The following VPS13C variants were observed in gnomAD, a reference collection of about 807,000 sequenced individuals.
The protein encoded by VPS13C is vacuolar protein sorting 13 homolog C.
Under a neutral mutation model 456.8 loss-of-function variants are expected in VPS13C, and 358 were observed. That is an observed-to-expected ratio of 0.78 (90% CI 0.72 to 0.86). VPS13C has a LOEUF of 0.86. Among genes scored for constraint, VPS13C ranks in the 40% least tolerant of loss-of-function variants. VPS13C has a pLI of 0.00. For missense variants in VPS13C, 4,818 were observed against 4,385.4 expected (o/e 1.10, Z -2.79); for synonymous variants, 1,578 against 1,486.7 (o/e 1.06, Z -1.41).
intron 22 of VPS13C, among the ~76,000 whole-genome samples, 171 bp from the exon 23 acceptor site, chr15:61,978,920 TATA>T (rs1385453359): frequency 1.3e-5 from 2 of 152,178 alleles, no homozygotes; most frequent in Non-Finnish European, 2.9e-5. Context: ...TTGTAAACAA[TATA>T]ATATTTCAGC....
intron 49 of VPS13C, among the ~76,000 whole-genome samples, chr15:61,934,011 G>C (rs924292921): frequency 6.6e-6 from 1 of 152,074 alleles, no homozygotes; most frequent in Non-Finnish European, 1.5e-5. Context: ...ATAAAACCCT[G>C]AGTACTTTGC....
intron 42 of VPS13C, among the ~76,000 whole-genome samples, chr15:61,948,695 A>T (rs2044688579): frequency 6.6e-6 from 1 of 152,052 alleles, no homozygotes; most frequent in South Asian, 2.1e-4. Context: ...AAAAAAAAAA[A>T]GAAAAATCAG....
chr15:61,900,557 G>A (rs1264396007), intron 66 of VPS13C, among the ~76,000 whole-genome samples: 3 of 151,998 alleles, frequency 2.0e-5, no homozygotes, highest in Non-Finnish European at 4.4e-5. Flanking sequence ...TACAAGGGAT[G>A]TGAAGGACCT....
At chr15:61,916,154 T>G in intron 60 of VPS13C, 132 bp from the exon 61 acceptor site, 1 of 1,057,518 alleles carries the variant, frequency 9.5e-7, no homozygotes, top group South Asian at 1.8e-5. Context: ...GTACCATGCT[T>G]ACATATTACA....
intron 66 of VPS13C, among the ~76,000 whole-genome samples, chr15:61,903,973 A>C (rs929256885): frequency 2.0e-5 from 3 of 152,192 alleles, no homozygotes; most frequent in Non-Finnish European, 4.4e-5. Context: ...GCCATATGCA[A>C]AAATGAAACC....
chr15:62,019,909 A>G (rs566700891), intron 9 of VPS13C, among the ~76,000 whole-genome samples: 3 of 151,288 alleles, frequency 2.0e-5, no homozygotes, highest in Admixed American at 6.6e-5. Context: ...CATGTTTCCT[A>G]CCACTTAGTT....
intron 15 of VPS13C, among the ~76,000 whole-genome samples, chr15:62,004,967 T>A (rs898167890): frequency 1.3e-5 from 2 of 152,070 alleles, no homozygotes; most frequent in South Asian, 4.1e-4. Flanking sequence ...GGAATAGGTG[T>A]GGTGTGGTGC....
Position 61,941,538 on chromosome 15 carries a change from G to C in VPS13C, c.5453+225C>G, listed in dbSNP as rs548824667. 2.6e-5 allele frequency among the ~76,000 whole-genome samples: 4 copies of C among 152,106 alleles called. No individual in the cohort carries two copies. The South Asian group carries it at 8.3e-4, about 32-fold the overall frequency. ...AATTTTATAATAGCTAATTTTTATAGAATGAAAAAAATCATATTACATATG... is the reference window on the plus strand; with the variant it reads ...AATTTTATAATAGCTAATTTTTATACAATGAAAAAAATCATATTACATATG... On this transcript the variant is annotated intron_variant, in intron 46 of 84. Transcript: ENST00000644861.
chr15:62,013,264 A>G (rs980892375), intron 10 of VPS13C, 145 bp from the exon 11 acceptor site: 10 of 525,382 alleles, frequency 1.9e-5, no homozygotes, highest in Non-Finnish European at 3.2e-5. Context: ...CATAAAAATG[A>G]GGGGAAAATA....
Position 61,917,630 on chromosome 15 carries a change from T to G in VPS13C, c.7766A>C (p.Gln2589Pro), listed in dbSNP as rs2043514141. 6.2e-7 allele frequency: 1 copy of G among 1,609,056 alleles called. No individual in the cohort carries two copies. The highest frequency in any genetic ancestry group is 1.7e-5 in the Admixed American group (1 of 59,866). Residue 2589 changes from glutamine to proline, a missense_variant, in exon 60 of 85, where the codon CAA becomes CCA. This residue lies in a region of VPS13C where 4,552 missense variants were observed against 4,130.6 expected (regional missense o/e 1.10). Transcript: ENST00000644861. Reference sequence around the variant, plus strand: ...GATTCCAGCTGGCTGGATAAACAATTGACATCTGCAGAAAGAGGAAACAGT... The same window carrying G: ...GATTCCAGCTGGCTGGATAAACAATGGACATCTGCAGAAAGAGGAAACAGT... ...FHVPLDSYRCQLFIQPAGILE... is the reference protein window; with the variant it reads ...FHVPLDSYRCPLFIQPAGILE...
chr15:62,008,314 C>T (rs1409387320), intron 14 of VPS13C, among the ~76,000 whole-genome samples: 1 of 151,896 alleles, frequency 6.6e-6, no homozygotes, highest in Non-Finnish European at 1.5e-5. Context: ...GCAGGAGAAT[C>T]GCTTGAACCA....
Position 61,974,338 on chromosome 15 carries a change from T to C in VPS13C, c.2488A>G (p.Asn830Asp), listed in dbSNP as rs1449224554. The change falls in exon 25 of 85, where the codon AAC (asparagine) becomes GAC (aspartate). Residue 830 changes from asparagine (N) to aspartate (D), a missense_variant. Transcript: ENST00000644861. Reference protein sequence around the residue: ...QKMKDVLYLMNSIPLPQKSSA... With the variant: ...QKMKDVLYLMDSIPLPQKSSA... Reference sequence around the variant, plus strand: ...GATTTCTGTGGCAAAGGTATACTGTTCATCAAATATAGCACATCTTTCATC... The same window carrying C: ...GATTTCTGTGGCAAAGGTATACTGTCCATCAAATATAGCACATCTTTCATC... 1.2e-6 allele frequency: 2 copies of C among 1,612,628 alleles called. No individual in the cohort carries two copies. Among genetic ancestry groups the C allele is most frequent in the East Asian group, 4.5e-5 (2 of 44,760 alleles).
chr15:61,967,812 G>C (rs927955016), intron 28 of VPS13C, among the ~76,000 whole-genome samples: 2 of 151,786 alleles, frequency 1.3e-5, no homozygotes, highest in African/African-American at 4.8e-5. Flanking sequence ...TTTTCCTTAA[G>C]AGAGAACTGT....
chr15:61,954,382 A>T, intron 38 of VPS13C, 39 bp downstream of exon 38: 1 of 1,589,778 alleles, frequency 6.3e-7, no homozygotes, highest in Non-Finnish European at 8.5e-7. Flanking sequence ...TCCATTACTT[A>T]TTCACCTCAC....
chr15:62,044,416 T>A (rs2048341559), intron 1 of VPS13C, among the ~76,000 whole-genome samples, 161 bp from the exon 2 acceptor site: 1 of 152,168 alleles, frequency 6.6e-6, no homozygotes, highest in Non-Finnish European at 1.5e-5. Context: ...AGTTGCTACA[T>A]ATGCTCAAGA....
intron 78 of VPS13C, among the ~76,000 whole-genome samples, chr15:61,872,339 A>G (rs1027557403): frequency 6.6e-6 from 1 of 152,162 alleles, no homozygotes; most frequent in African/African-American, 2.4e-5. Context: ...GGGTAGCTGA[A>G]ATCTCTTTAA....
chr15:61,893,452 T>C (rs2042712840), intron 66 of VPS13C, among the ~76,000 whole-genome samples: 1 of 151,982 alleles, frequency 6.6e-6, no homozygotes, highest in Non-Finnish European at 1.5e-5. Context: ...AAGGAATTCA[T>C]TACCTCTAGA....
At chr15:61,859,073 TA>T (rs944069130) in intron 82 of VPS13C, among the ~76,000 whole-genome samples, 10 of 152,010 alleles carry the variant, frequency 6.6e-5, no homozygotes, top group Non-Finnish European at 1.5e-4. Context: ...TGATATCAAA[TA>T]AAAAAATAAC....
At chr15:61,989,869 TA>T (rs1326693930) in intron 18 of VPS13C, among the ~76,000 whole-genome samples, 1 of 152,210 alleles carries the variant, frequency 6.6e-6, no homozygotes, top group African/African-American at 2.4e-5. Flanking sequence ...GAAAACTATT[TA>T]ATATGCTCAT....
Sources: allele counts gnomAD v4.1 joint callset (sites outside exome capture counted in the v4.1 genomes callset), GRCh38; gene constraint gnomAD v4.1.1; regional missense constraint gnomAD v4.1.1; transcripts MANE v1.5; gene names NCBI Gene and HGNC (gene_info 2026-07-23, HGNC 2026-07-21).